Variants in LUZP2 observed in about 807,000 individuals in gnomAD.
LUZP2 encodes the protein leucine zipper protein 2.
A neutral mutation model predicts 51.6 loss-of-function variants in LUZP2; 52 were observed. That is an observed-to-expected ratio of 1.01 (90% CI 0.81 to 1.27). The LOEUF (loss-of-function observed/expected upper bound fraction) is 1.27. LUZP2 is among the 50% of genes most tolerant of loss of function. LUZP2 has a pLI of 0.00. For missense variants in LUZP2, 436 were observed against 395.4 expected (o/e 1.10, Z -0.87); for synonymous variants, 154 against 137.3 (o/e 1.12, Z -0.85).
At position 24,611,385 on chromosome 11, in the gene LUZP2, C is replaced by T. The variant is rs1299341861; in HGVS notation, c.62+114080C>T. On this transcript the variant is annotated intron_variant, in intron 1 of 11. Coordinates refer to ENST00000336930, the MANE Select transcript of LUZP2 (RefSeq NM_001009909.4). This position sits in a 1 kb window ranked among gnomAD's most constrained non-coding sequence, Gnocchi z 4.6. ...TAACTGAGATAAGTACCATTTACCC[C>T]ATTATATATACATACATACAGCTAT... 6.6e-6 allele frequency among the ~76,000 whole-genome samples: 1 copy of T among 152,036 alleles called. No homozygotes were observed. Among genetic ancestry groups the T allele is most frequent in the Non-Finnish European group, 1.5e-5 (1 of 67,998 alleles).
chr11:24,888,015 T>G (rs1327780822), intron 5 of LUZP2, among the ~76,000 whole-genome samples: 2 of 152,232 alleles, frequency 1.3e-5, no homozygotes, highest in Non-Finnish European at 1.5e-5. Context: ...CCACAATGGT[T>G]TATTTTATTT....
At chr11:24,808,436 G>A (rs1170894065) in intron 5 of LUZP2, among the ~76,000 whole-genome samples, 11 of 152,102 alleles carry the variant, frequency 7.2e-5, no homozygotes, top group Non-Finnish European at 1.3e-4. Flanking sequence ...GATACAATGA[G>A]GCTGAGAAAA....
At chr11:24,758,742 C>T (rs187695384) in intron 4 of LUZP2, among the ~76,000 whole-genome samples, 1 of 151,906 alleles carries the variant, frequency 6.6e-6, no homozygotes, top group Non-Finnish European at 1.5e-5. Context: ...TTGTCCTTGA[C>T]TAAACATCAA....
At chr11:24,626,017 A>G (rs1423310837) in intron 1 of LUZP2, among the ~76,000 whole-genome samples, 1 of 152,180 alleles carries the variant, frequency 6.6e-6, no homozygotes, top group African/African-American at 2.4e-5. Context: ...GCCACTTACT[A>G]ACTTTTTAAC....
At chr11:24,595,858 C>A (rs1286707328) in intron 1 of LUZP2, among the ~76,000 whole-genome samples, 1 of 152,166 alleles carries the variant, frequency 6.6e-6, no homozygotes, top group Admixed American at 6.5e-5. Flanking sequence ...TAGGACAAGC[C>A]TCTGCTCCTG....
At chr11:24,898,088 A>G (rs1565075860) in intron 5 of LUZP2, among the ~76,000 whole-genome samples, 1 of 152,178 alleles carries the variant, frequency 6.6e-6, no homozygotes, top group Non-Finnish European at 1.5e-5. Context: ...TTGAGAAGAA[A>G]AAAACTGGAA....
chr11:25,012,008 G>A (rs949457710), intron 9 of LUZP2, among the ~76,000 whole-genome samples: 1 of 152,042 alleles, frequency 6.6e-6, no homozygotes, highest in Non-Finnish European at 1.5e-5. Flanking sequence ...GACACAAAAG[G>A]CAGCATTCCC....
intron 5 of LUZP2, among the ~76,000 whole-genome samples, chr11:24,822,899 TC>T (rs1200704013): frequency 6.6e-6 from 1 of 152,236 alleles, no homozygotes; most frequent in Non-Finnish European, 1.5e-5. Flanking sequence ...AAATTCATTT[TC>T]TTCATTTTTT....
At chr11:24,619,318 G>T (rs997115089) in intron 1 of LUZP2, among the ~76,000 whole-genome samples, 1 of 152,130 alleles carries the variant, frequency 6.6e-6, no homozygotes, top group African/African-American at 2.4e-5. Flanking sequence ...ATGGGTGTAT[G>T]TCACCCTGCC....
intron 7 of LUZP2, among the ~76,000 whole-genome samples, chr11:24,975,167 C>A (rs1169942139): frequency 1.3e-5 from 2 of 151,978 alleles, no homozygotes; most frequent in Non-Finnish European, 2.9e-5. Context: ...TATGTATATT[C>A]TGTCTCTTTT....
intron 1 of LUZP2, among the ~76,000 whole-genome samples, chr11:24,625,097 A>G (rs1312231428): frequency 2.0e-5 from 3 of 152,152 alleles, no homozygotes; most frequent in Non-Finnish European, 4.4e-5. Context: ...AGAAAGACAA[A>G]TACTGCATAA....
chr11:24,726,584 A>G (rs912820136), intron 1 of LUZP2, among the ~76,000 whole-genome samples: 1 of 152,120 alleles, frequency 6.6e-6, no homozygotes, highest in Non-Finnish European at 1.5e-5. Flanking sequence ...ACTTTTAGAA[A>G]CTTATATCAC....
intron 1 of LUZP2, among the ~76,000 whole-genome samples, chr11:24,543,714 AG>A (rs1360999690): frequency 6.7e-6 from 1 of 149,188 alleles, no homozygotes; most frequent in Non-Finnish European, 1.5e-5. Flanking sequence ...CCAGCTACTC[AG>A]GAAGCTGAGG....
chr11:24,498,934 GATACT>G (rs1849908892), intron 1 of LUZP2, among the ~76,000 whole-genome samples: 1 of 152,120 alleles, frequency 6.6e-6, no homozygotes, highest in African/African-American at 2.4e-5. Context: ...GCTTTTTAAG[GATACT>G]ATAATTAAAT....
intron 5 of LUZP2, among the ~76,000 whole-genome samples, chr11:24,822,565 T>C (rs766978427): frequency 6.6e-6 from 1 of 152,158 alleles, no homozygotes; most frequent in Non-Finnish European, 1.5e-5. Flanking sequence ...TTTGTGATGG[T>C]TATTGTTCTT....
chr11:24,546,260 G>T (rs981570828), intron 1 of LUZP2, among the ~76,000 whole-genome samples: 3 of 151,898 alleles, frequency 2.0e-5, no homozygotes, highest in Non-Finnish European at 4.4e-5. Context: ...CTTCCTATTT[G>T]GATGCCCTTT....
chr11:25,054,893 G>A (rs1156972111), intron 10 of LUZP2, among the ~76,000 whole-genome samples: 1 of 149,356 alleles, frequency 6.7e-6, no homozygotes, highest in African/African-American at 2.5e-5. Flanking sequence ...TGGCTATTCT[G>A]AGTCCCTTAC....
intron 9 of LUZP2, among the ~76,000 whole-genome samples, chr11:25,023,251 G>C (rs2133977649): frequency 6.6e-6 from 1 of 152,220 alleles, no homozygotes; most frequent in Non-Finnish European, 1.5e-5. Flanking sequence ...ACCTCTGGTA[G>C]AATTCGGCTG....
At position 24,764,489 on chromosome 11, in the gene LUZP2, C is replaced by CAAAAAAAA. The variant is rs1565124723; in HGVS notation, c.396+1181_396+1182insAAAAAAAA. The stretch of plus-strand genomic sequence containing the variant: ...TGGACAACATGGTAAAATCTCATCT[C>CAAAAAAAA]TAAAAAAAAAAAAAAAAAAAAAAAA... On this transcript the variant is annotated intron_variant, in intron 5 of 11. Coordinates refer to ENST00000336930, the MANE Select transcript of LUZP2 (RefSeq NM_001009909.4). Among the ~76,000 whole-genome samples the CAAAAAAAA allele has an allele frequency of 1.5e-3, 84 of 56,402 alleles. 3 individuals carry two copies. The highest frequency in any genetic ancestry group is 4.2e-3 in the African/African-American group (64 of 15,162). The allele number at this position is 56,402 out of a possible 152,430, so 37.0% of individuals were successfully genotyped here. A position where few individuals can be genotyped will look rare whatever the true frequency, so the allele number is the denominator to read the frequency against.
Sources: allele counts gnomAD v4.1 joint callset (sites outside exome capture counted in the v4.1 genomes callset), GRCh38; gene constraint gnomAD v4.1.1; non-coding constraint Gnocchi (gnomAD v3.1); transcripts MANE v1.5; gene names NCBI Gene and HGNC (gene_info 2026-07-23, HGNC 2026-07-21).